The following ACTR3C variants were observed in gnomAD, a reference collection of about 807,000 sequenced individuals.
ACTR3C encodes the protein actin related protein 3C, also known as actin-related protein 3C.
ACTR3C carries 18 observed loss-of-function variants against 26.3 expected under a neutral mutation model. That is an observed-to-expected ratio of 0.68 (90% CI 0.47 to 1.01). The LOEUF is 1.01. Ranked by LOEUF, ACTR3C falls within the 50% of genes least tolerant of loss-of-function variation. The pLI is 0.00. For missense variants in ACTR3C, 184 were observed against 250.7 expected (o/e 0.73, Z 1.80); for synonymous variants, 55 against 94.5 (o/e 0.58, Z 2.42).
rs767859536 is a variant in ACTR3C, at chr7:150,248,937, C to G, written c.*38+11G>C. On this transcript the variant is annotated intron_variant, in intron 7 of 7. Coordinates refer to ENST00000683684, the MANE Select transcript of ACTR3C (RefSeq NM_001164458.2). ...AGAGCCTAGAATTAAAAATGAAAAT[C>G]ATGAGAATACCTCAAATAAAAGGCT... 8 of 525,482 alleles carry G rather than the reference C, an allele frequency of 1.5e-5. No individual in the cohort carries two copies. The highest frequency in any genetic ancestry group is 5.5e-4 in the Middle Eastern group (2 of 3,626). 32.6% of individuals were successfully genotyped at this position (525,482 alleles called of 1,614,324 possible).
chr7:150,122,458 A>ATTT, the ACTR3C span, among the ~76,000 whole-genome samples: 1 of 152,244 alleles, frequency 6.6e-6, no homozygotes, highest in Non-Finnish European at 1.5e-5. Flanking sequence ...AAATGAAGAC[A>ATTT]TTTATGCAGC....
the ACTR3C span, among the ~76,000 whole-genome samples, chr7:149,988,446 G>C: frequency 4.6e-5 from 7 of 152,224 alleles, no homozygotes; most frequent in Non-Finnish European, 1.0e-4. Context: ...GCAACCAGCA[G>C]ATGATCCCTG....
rs1417143916 is a variant in ACTR3C, at chr7:150,274,998, G to T, written c.564+9755C>A. Reference sequence around the variant, plus strand: ...CAGAACTGCAACTGGAAATCCAAACGCATTCAAAAACTGGCTAAGGCAGGT... The same window carrying T: ...CAGAACTGCAACTGGAAATCCAAACTCATTCAAAAACTGGCTAAGGCAGGT... On this transcript the variant is annotated intron_variant, in intron 6 of 7. Transcript: ENST00000683684. The surrounding 1 kb of genome is among the most constrained non-coding windows in gnomAD (Gnocchi z 4.1). Among the ~76,000 whole-genome samples the T allele has an allele frequency of 6.6e-6, 1 of 152,224 alleles. No homozygotes were observed. Among genetic ancestry groups the T allele is most frequent in the South Asian group, 2.1e-4 (1 of 4,834 alleles).
At chr7:149,938,230 C>A in the ACTR3C span, among the ~76,000 whole-genome samples, 1 of 152,184 alleles carries the variant, frequency 6.6e-6, no homozygotes, top group African/African-American at 2.4e-5. Context: ...CCCCAAAATT[C>A]TATTCAGCTT....
At chr7:150,090,539 G>A in the ACTR3C span, among the ~76,000 whole-genome samples, 6 of 151,548 alleles carry the variant, frequency 4.0e-5, no homozygotes, top group African/African-American at 1.5e-4. Flanking sequence ...AAGTCGGATG[G>A]GCCTCCTCAG....
the ACTR3C span, among the ~76,000 whole-genome samples, chr7:150,036,096 G>A: frequency 7.8e-5 from 11 of 141,574 alleles, no homozygotes; most frequent in African/African-American, 2.3e-4. Context: ...CCCCTGCGAT[G>A]GGGGTGCAAA....
At chr7:149,949,726 A>G in the ACTR3C span, among the ~76,000 whole-genome samples, 1 of 147,376 alleles carries the variant, frequency 6.8e-6, no homozygotes, top group Non-Finnish European at 1.5e-5. Context: ...TGCAAAGAAA[A>G]GCCAAGATTT....
chr7:149,973,776 G>A, the ACTR3C span, among the ~76,000 whole-genome samples: 2 of 151,278 alleles, frequency 1.3e-5, no homozygotes, highest in South Asian at 2.1e-4. Flanking sequence ...CCAGGTGTCC[G>A]ACCCTTTGAT....
chr7:150,044,994 C>T, the ACTR3C span: 9 of 152,238 alleles, frequency 5.9e-5, no homozygotes, highest in Non-Finnish European at 1.2e-4. Context: ...GAAGTAGCCG[C>T]GCTCCCAGCT....
chr7:150,114,737 T>C, the ACTR3C span, among the ~76,000 whole-genome samples: 2 of 152,200 alleles, frequency 1.3e-5, no homozygotes, highest in African/African-American at 4.8e-5. Flanking sequence ...AAGACATTTT[T>C]CTGTCTACAG....
At chr7:150,163,002 A>C in the ACTR3C span, among the ~76,000 whole-genome samples, 3 of 151,870 alleles carry the variant, frequency 2.0e-5, no homozygotes, top group Non-Finnish European at 4.4e-5. Flanking sequence ...AAATACAAAC[A>C]AATTAGCTGG....
chr7:150,249,527 C>T (rs961853311), intron 6 of ACTR3C, among the ~76,000 whole-genome samples: 3 of 152,152 alleles, frequency 2.0e-5, no homozygotes, highest in Non-Finnish European at 4.4e-5. Context: ...GATCTGGGCT[C>T]ACTGCAACCT....
chr7:149,984,084 A>G, the ACTR3C span, among the ~76,000 whole-genome samples: 4 of 151,758 alleles, frequency 2.6e-5, no homozygotes, highest in South Asian at 2.1e-4. Context: ...TTATGGAGAG[A>G]GTAGATCTCA....
intron 6 of ACTR3C, chr7:150,264,680 C>T: frequency 2.1e-6 from 2 of 961,374 alleles, no homozygotes; most frequent in Non-Finnish European, 2.5e-6. Flanking sequence ...CTCACAGTTG[C>T]AGGTGGTGGA....
the ACTR3C span, among the ~76,000 whole-genome samples, chr7:150,237,684 C>T: frequency 1.5e-4 from 23 of 152,232 alleles, no homozygotes; most frequent in South Asian, 4.8e-3. Flanking sequence ...TCACACCTTC[C>T]TACTCCTAGC....
At chr7:149,919,359 G>A in the ACTR3C span, among the ~76,000 whole-genome samples, 4 of 151,118 alleles carry the variant, frequency 2.6e-5, no homozygotes, top group Non-Finnish European at 5.9e-5. Context: ...TCCTGCCTCA[G>A]CCTCCTGAGT....
the ACTR3C span, among the ~76,000 whole-genome samples, chr7:149,993,529 G>A: frequency 6.6e-6 from 1 of 152,272 alleles, no homozygotes; most frequent in East Asian, 1.9e-4. Context: ...CTGATGGAAT[G>A]GAGTCGCTTC....
the ACTR3C span, among the ~76,000 whole-genome samples, chr7:150,158,874 A>T: frequency 6.8e-6 from 1 of 146,004 alleles, no homozygotes; most frequent in African/African-American, 2.5e-5. Context: ...CCACACACAC[A>T]CGTGCACACA....
chr7:150,135,030 G>A, the ACTR3C span, among the ~76,000 whole-genome samples: 2 of 152,204 alleles, frequency 1.3e-5, no homozygotes, highest in African/African-American at 4.8e-5. Context: ...TCCTGACCTC[G>A]TGATCCGCCT....
Sources: allele counts gnomAD v4.1 joint callset (sites outside exome capture counted in the v4.1 genomes callset), GRCh38; gene constraint gnomAD v4.1.1; non-coding constraint Gnocchi (gnomAD v3.1); transcripts MANE v1.5; gene names NCBI Gene and HGNC (gene_info 2026-07-23, HGNC 2026-07-21).